The following PTPN3 variants were observed in gnomAD, a reference collection of about 807,000 sequenced individuals.
The protein encoded by PTPN3 is tyrosine-protein phosphatase non-receptor type 3.
A neutral mutation model predicts 132.7 loss-of-function variants in PTPN3; 96 were observed. That is an observed-to-expected ratio of 0.72 (90% CI 0.61 to 0.86). PTPN3 has a LOEUF of 0.86. PTPN3 is among the 40% of genes least tolerant of loss of function. The pLI is 0.00. For missense variants in PTPN3, 1,125 were observed against 1,159.6 expected, an observed-to-expected ratio of 0.97 and a Z score of 0.43; for synonymous variants, 398 against 429.0, an observed-to-expected ratio of 0.93 and a Z score of 0.89.
At chr9:109,517,977 C>G in the PTPN3 span, among the ~76,000 whole-genome samples, 2 of 152,194 alleles carry the variant, frequency 1.3e-5, no homozygotes, top group African/African-American at 4.8e-5. Context: ...AGCAGGTCCT[C>G]TCTCCTGGCT....
At chr9:109,477,222 C>T (rs751181699) in intron 1 of PTPN3, among the ~76,000 whole-genome samples, 1 of 152,180 alleles carries the variant, frequency 6.6e-6, no homozygotes, top group Admixed American at 6.5e-5. Context: ...CTGTAACTTA[C>T]TAAATAAGGT....
intron 1 of PTPN3, among the ~76,000 whole-genome samples, chr9:109,488,823 T>C (rs891023655): frequency 1.3e-5 from 2 of 152,192 alleles, no homozygotes; most frequent in East Asian, 3.9e-4. Context: ...CTGGGATCCC[T>C]AGATGCTGGT....
At chr9:109,471,500 A>G (rs1846377082) in intron 1 of PTPN3, among the ~76,000 whole-genome samples, 1 of 152,174 alleles carries the variant, frequency 6.6e-6, no homozygotes, top group Non-Finnish European at 1.5e-5. Context: ...AGGGCATTTC[A>G]TAACCACAGT....
At chr9:109,416,140 A>T (rs1842468641) in intron 14 of PTPN3, among the ~76,000 whole-genome samples, 1 of 152,172 alleles carries the variant, frequency 6.6e-6, no homozygotes, top group South Asian at 2.1e-4. Flanking sequence ...GGAATTGTCT[A>T]TCTTAAGGAA....
chr9:109,457,428 A>T, intron 2 of PTPN3, 29 bp from the exon 3 acceptor site: 1 of 1,564,906 alleles, frequency 6.4e-7, no homozygotes, highest in Non-Finnish European at 8.7e-7. Context: ...TCAAGTGGGA[A>T]AAGTCTTAAA....
chr9:109,528,301 A>G, the PTPN3 span, among the ~76,000 whole-genome samples: 1 of 152,266 alleles, frequency 6.6e-6, no homozygotes, highest in Admixed American at 6.5e-5. Flanking sequence ...TAGCTGCATC[A>G]TTTATAAGAG....
chr9:109,504,146 G>A, the PTPN3 span, among the ~76,000 whole-genome samples: 2 of 152,278 alleles, frequency 1.3e-5, no homozygotes, highest in South Asian at 4.2e-4. Context: ...CGGGTATCTG[G>A]GGGAAGAATC....
intron 1 of PTPN3, among the ~76,000 whole-genome samples, chr9:109,483,742 C>T (rs992564203): frequency 6.6e-6 from 1 of 152,204 alleles, no homozygotes; most frequent in African/African-American, 2.4e-5. Context: ...ACCCGACAGA[C>T]CCCAGACGCC....
At chr9:109,448,081 G>C (rs1844979399) in intron 6 of PTPN3, among the ~76,000 whole-genome samples, 1 of 152,172 alleles carries the variant, frequency 6.6e-6, no homozygotes, top group African/African-American at 2.4e-5. Flanking sequence ...TATGACAACT[G>C]TTGTCTCTAC....
rs1294227646 is a variant in PTPN3, at chr9:109,381,871, A to G, written c.2529-84T>C. ...CAGCGAGCAGTTCCCCGCTGACTCC[A>G]AAGGGGCTTTCCTCCCTTGGCCTTC... On this transcript the variant is annotated intron_variant, in intron 24 of 25. Coordinates refer to ENST00000374541, the MANE Select transcript of PTPN3 (RefSeq NM_002829.4). 6.5e-6 allele frequency: 10 copies of G among 1,534,396 alleles called. No homozygotes were observed. The Admixed American group carries it at 1.7e-4, about 26-fold the overall frequency.
intron 1 of PTPN3, among the ~76,000 whole-genome samples, chr9:109,492,946 TTC>T (rs1420299103): frequency 1.3e-5 from 2 of 152,250 alleles, no homozygotes; most frequent in East Asian, 3.8e-4. Flanking sequence ...ACTCCCAACA[TTC>T]TCTTTGTTTT....
intron 7 of PTPN3, among the ~76,000 whole-genome samples, chr9:109,443,075 AT>A (rs34673663): frequency 3.8e-3 from 522 of 137,332 alleles, no homozygotes; most frequent in East Asian, 0.022. Context: ...GAGACATCAG[AT>A]TTTTTTTTTT....
At position 109,406,238 on chromosome 9, in the gene PTPN3, C is replaced by T. The variant is rs534618956; in HGVS notation, c.1792+224G>A. On this transcript the variant is annotated intron_variant, in intron 18 of 25. Coordinates refer to ENST00000374541, the MANE Select transcript of PTPN3 (RefSeq NM_002829.4). ...GTCCTGTATAAAGGGGCTGCAGGGG[C>T]GCTGTCTCCCCCCAGAAGACTGGCC... Among the ~76,000 whole-genome samples, 48 of 152,266 alleles carry T rather than the reference C, an allele frequency of 3.2e-4. No individual in the cohort carries two copies. In the East Asian group the frequency reaches 5.0e-3, roughly 16 times the overall value.
chr9:109,460,176 T>G (rs556176129), intron 2 of PTPN3, among the ~76,000 whole-genome samples: 28 of 152,306 alleles, frequency 1.8e-4, no homozygotes, highest in African/African-American at 6.7e-4. Context: ...AACTCTATTT[T>G]GCTGCATTGC....
upstream of PTPN3, among the ~76,000 whole-genome samples, chr9:109,498,991 G>T (rs1397990781): frequency 6.6e-6 from 1 of 152,004 alleles, no homozygotes; most frequent in African/African-American, 2.4e-5. This position sits in a 1 kb window ranked among gnomAD's most constrained non-coding sequence, Gnocchi z 4.2. Flanking sequence ...CTCTGCTCCT[G>T]ACCACTCCGT....
the PTPN3 span, chr9:109,534,077 A>G: frequency 2.6e-6 from 2 of 773,906 alleles, no homozygotes; most frequent in African/African-American, 1.7e-5. Context: ...TGGGGTACAA[A>G]TGTATCTTCC....
intron 19 of PTPN3, among the ~76,000 whole-genome samples, chr9:109,400,374 A>C (rs986736885): frequency 1.3e-5 from 2 of 152,186 alleles, no homozygotes; most frequent in African/African-American, 4.8e-5. Flanking sequence ...TCTAACTCTT[A>C]AATGAACTCA....
intron 19 of PTPN3, among the ~76,000 whole-genome samples, chr9:109,400,475 A>T (rs185697077): frequency 2.0e-5 from 3 of 152,342 alleles, no homozygotes; most frequent in African/African-American, 7.2e-5. Flanking sequence ...TAGAGCCAGG[A>T]TTTAAAATCT....
chr9:109,425,753 C>T (rs1843217225), intron 12 of PTPN3, among the ~76,000 whole-genome samples: 1 of 152,048 alleles, frequency 6.6e-6, no homozygotes, highest in Non-Finnish European at 1.5e-5. Context: ...TGGCTCATGC[C>T]TGTAATCCCA....
Sources: gnomAD v4.1 joint callset for allele counts (sites outside exome capture counted in the v4.1 genomes callset) on GRCh38, gnomAD v4.1.1 for gene constraint, Gnocchi (gnomAD v3.1) non-coding constraint, MANE v1.5 for transcripts, NCBI Gene and HGNC (gene_info 2026-07-23, HGNC 2026-07-21) for gene names.